The following RASA3 variants were observed in gnomAD, a reference collection of about 807,000 sequenced individuals.
RASA3 encodes RAS p21 protein activator 3.
A neutral mutation model predicts 110.0 loss-of-function variants in RASA3; 73 were observed. The observed-to-expected ratio is 0.66, with a 90% CI of 0.55 to 0.81. The LOEUF is 0.81. Among genes scored for constraint, RASA3 ranks in the 30% least tolerant of loss-of-function variants. RASA3 has a pLI of 0.00. For synonymous variants in RASA3, 500 were observed against 451.4 expected (o/e 1.11, Z -1.37); for missense variants, 976 against 1,113.2 (o/e 0.88, Z 1.75).
Position 114,048,565 on chromosome 13 carries a change from A to G in RASA3, c.277+3487T>C, listed in dbSNP as rs917615815. Reference sequence around the variant, plus strand: ...CGCATTTCCGTGGTTCCCGCATCCCAGCTGCGGGGAGCCATAGTTTCCGGT... The same window carrying G: ...CGCATTTCCGTGGTTCCCGCATCCCGGCTGCGGGGAGCCATAGTTTCCGGT... On this transcript the variant is annotated intron_variant, in intron 3 of 23. Coordinates refer to ENST00000334062, the MANE Select transcript of RASA3 (RefSeq NM_007368.4). The surrounding 1 kb of genome is among the most constrained non-coding windows in gnomAD (Gnocchi z 4.3). 6.6e-6 allele frequency among the ~76,000 whole-genome samples: 1 copy of G among 152,160 alleles called. No individual in the cohort carries two copies. Among genetic ancestry groups the G allele is most frequent in the African/African-American group, 2.4e-5 (1 of 41,432 alleles).
In RASA3 at chr13:114,014,157, CCT is replaced by C. The variant is rs1156430832; in HGVS notation, c.1406-911_1406-910del. Reference sequence around the variant, plus strand: ...CTCTGTCTCTCTCCTTCTGTCTCTGCCTCTCTCTCCATCTCTCCCTGTTTCTC... The same window carrying C: ...CTCTGTCTCTCTCCTTCTGTCTCTGCCTCTCTCCATCTCTCCCTGTTTCTC... On this transcript the variant is annotated intron_variant, in intron 14 of 23. Coordinates refer to ENST00000334062, the MANE Select transcript of RASA3 (RefSeq NM_007368.4). This position sits in a 1 kb window ranked among gnomAD's most constrained non-coding sequence, Gnocchi z 4.5. 6.6e-6 allele frequency among the ~76,000 whole-genome samples: 1 copy of C among 150,928 alleles called. No homozygotes were observed. The highest frequency in any genetic ancestry group is 1.5e-5 in the Non-Finnish European group (1 of 67,660).
intron 1 of RASA3, among the ~76,000 whole-genome samples, chr13:114,076,263 C>T (rs9590549): frequency 0.011 from 1,645 of 152,328 alleles, 21 homozygotes; most frequent in African/African-American, 0.038. Flanking sequence ...AAGGAAGCAT[C>T]AATGATAATC....
At chr13:114,066,945 G>A (rs941756366) in intron 2 of RASA3, among the ~76,000 whole-genome samples, 29 of 141,256 alleles carry the variant, frequency 2.1e-4, no homozygotes, top group Non-Finnish European at 3.7e-4. Flanking sequence ...GGCTGAGGAC[G>A]GGCCTCCCCA....
chr13:114,070,612 A>G lies in RASA3; in HGVS notation c.173+3108T>C, dbSNP rs528094840. On this transcript the variant is annotated intron_variant, in intron 2 of 23. Transcript: ENST00000334062. ...GCCAGCGTCCACACTAAACGGCGCC[A>G]GTGTTACACGTGGGCAGGGCTGCCG... Among the ~76,000 whole-genome samples the G allele has an allele frequency of 5.3e-5, 8 of 152,258 alleles. No individual in the cohort carries two copies. The East Asian group carries it at 1.5e-3, about 29-fold the overall frequency.
At position 114,048,857 on chromosome 13, in the gene RASA3, C is replaced by T. The variant is rs539660339; in HGVS notation, c.277+3195G>A. ...TGCTGTGGCGGGAGCTGACTGCAGC[C>T]GGTGGAGGTGCCGGGGTGGGCTGGG... On this transcript the variant is annotated intron_variant, in intron 3 of 23. Coordinates refer to ENST00000334062, the MANE Select transcript of RASA3 (RefSeq NM_007368.4). The surrounding 1 kb of genome is among the most constrained non-coding windows in gnomAD (Gnocchi z 4.3). Among the ~76,000 whole-genome samples, 3 of 145,112 alleles carry T rather than the reference C, an allele frequency of 2.1e-5. No individual in the cohort carries two copies. The highest frequency in any genetic ancestry group is 4.7e-4 in the East Asian group (2 of 4,300).
chr13:114,036,091 G>A (rs2054273374), intron 4 of RASA3: 1 of 152,228 alleles, frequency 6.6e-6, no homozygotes, highest in African/African-American at 2.4e-5. Flanking sequence ...GTTTATAAAC[G>A]GAGCTCAGTG....
At chr13:114,035,409 T>C (rs1001186483) in intron 4 of RASA3, among the ~76,000 whole-genome samples, 1 of 152,208 alleles carries the variant, frequency 6.6e-6, no homozygotes, top group Non-Finnish European at 1.5e-5. Flanking sequence ...AACGTGTGGC[T>C]GCAGTGTCAC....
At chr13:113,991,515 G>A (rs189346597) in intron 22 of RASA3, among the ~76,000 whole-genome samples, 233 of 152,288 alleles carry the variant, frequency 1.5e-3, no homozygotes, top group African/African-American at 5.5e-3. Flanking sequence ...AGAAACAAAC[G>A]CAGCTGCTTC....
intron 1 of RASA3, among the ~76,000 whole-genome samples, chr13:114,105,202 C>T (rs1482902186): frequency 6.6e-6 from 1 of 152,190 alleles, no homozygotes; most frequent in African/African-American, 2.4e-5. Flanking sequence ...AGGGCAGGTC[C>T]GGGACTGGGA....
intron 4 of RASA3, 84 bp from the exon 5 acceptor site, chr13:114,029,971 A>C (rs2139385646): frequency 8.4e-6 from 11 of 1,313,538 alleles, no homozygotes; most frequent in Non-Finnish European, 1.2e-5. Context: ...GAAAGCCTAG[A>C]GGGCAAAGGG....
chr13:114,128,521 G>T (rs2080479050), intron 1 of RASA3, among the ~76,000 whole-genome samples: 1 of 152,228 alleles, frequency 6.6e-6, no homozygotes, highest in Non-Finnish European at 1.5e-5. Context: ...CACCCCACTT[G>T]TCATTCTCCC....
At chr13:114,097,125 C>G (rs1440821766) in intron 1 of RASA3, among the ~76,000 whole-genome samples, 1 of 152,192 alleles carries the variant, frequency 6.6e-6, no homozygotes, top group East Asian at 1.9e-4. Flanking sequence ...GCACACATCC[C>G]CTCCTGAACC....
At chr13:114,078,164 C>T (rs1407882147) in intron 1 of RASA3, among the ~76,000 whole-genome samples, 1 of 152,346 alleles carries the variant, frequency 6.6e-6, no homozygotes, top group East Asian at 1.9e-4. Context: ...GTGCCACATG[C>T]ACCAGGACCG....
intron 3 of RASA3, among the ~76,000 whole-genome samples, chr13:114,042,044 A>G (rs540268596): frequency 2.0e-5 from 3 of 152,360 alleles, no homozygotes; most frequent in African/African-American, 7.2e-5. Flanking sequence ...GAAAATACGT[A>G]TCAGAATATA....
In RASA3 at chr13:114,048,035, G is replaced by A. The variant is rs1474999332; in HGVS notation, c.277+4017C>T. Among the ~76,000 whole-genome samples the A allele has an allele frequency of 6.6e-6, 1 of 152,234 alleles. No individual in the cohort carries two copies. The highest frequency in any genetic ancestry group is 2.4e-5 in the African/African-American group (1 of 41,462). On this transcript the variant is annotated intron_variant, in intron 3 of 23. Transcript: ENST00000334062. The surrounding 1 kb of genome is among the most constrained non-coding windows in gnomAD (Gnocchi z 4.3). ...TTATACACAAAGAACGGAGGTCTCG[G>A]CCGGGCGCGGTGGCTCACGCCTGTA...
intron 10 of RASA3, 120 bp downstream of exon 10, chr13:114,018,643 G>A (rs1421640495): frequency 9.5e-6 from 12 of 1,267,558 alleles, no homozygotes; most frequent in Non-Finnish European, 1.1e-5. Context: ...CAGGCTGGGA[G>A]GCGTGGGAAA....
intron 1 of RASA3, among the ~76,000 whole-genome samples, chr13:114,081,883 G>A (rs960875503): frequency 3.3e-5 from 5 of 152,256 alleles, no homozygotes; most frequent in African/African-American, 7.2e-5. Context: ...AGCCTGCCCC[G>A]CATCCAGGCT....
At chr13:114,130,631 T>C (rs1029043004) in intron 1 of RASA3, among the ~76,000 whole-genome samples, 56 of 152,250 alleles carry the variant, frequency 3.7e-4, no homozygotes, top group African/African-American at 1.3e-3. Flanking sequence ...GAGACTCTGG[T>C]CTTCCCTCGC....
chr13:114,106,746 A>G (rs2139752466), intron 1 of RASA3, among the ~76,000 whole-genome samples: 1 of 152,276 alleles, frequency 6.6e-6, no homozygotes, highest in Middle Eastern at 3.4e-3. Context: ...GCTGGGTGCA[A>G]ACTATGACAC....
Sources: allele counts gnomAD v4.1 joint callset (sites outside exome capture counted in the v4.1 genomes callset), GRCh38; gene constraint gnomAD v4.1.1; non-coding constraint Gnocchi (gnomAD v3.1); transcripts MANE v1.5; gene names NCBI Gene and HGNC (gene_info 2026-07-23, HGNC 2026-07-21).